The following FGGY variants were observed in gnomAD, a reference collection of about 807,000 sequenced individuals.
FGGY encodes FGGY carbohydrate kinase domain containing.
FGGY carries 72 observed loss-of-function variants against 71.3 expected under a neutral mutation model. The observed-to-expected ratio is 1.01, with a 90% CI of 0.84 to 1.23. FGGY has a LOEUF of 1.23. Ranked by LOEUF, FGGY falls within the 50% of genes most tolerant of loss-of-function variation. The pLI, the probability that FGGY is intolerant of heterozygous loss-of-function variation, is 0.00. For missense variants in FGGY, 668 were observed against 682.3 expected (o/e 0.98, Z 0.23); for synonymous variants, 251 against 250.3 (o/e 1.00, Z -0.02).
rs151059985 is a variant in FGGY at position 59,373,057 on chromosome 1, C to G, written c.466-5692C>G. ...TCAACATAGTGTTGGAAGTTCTGGC[C>G]AGGGCAATTAGGCAGGAGAAGGAAA... On this transcript the variant is annotated intron_variant, in intron 4 of 15. Coordinates refer to ENST00000303721, the MANE Select transcript of FGGY (RefSeq NM_018291.5). Among the ~76,000 whole-genome samples, 826 of 152,120 alleles carry G rather than the reference C, an allele frequency of 5.4e-3. 6 individuals carry two copies. The highest frequency in any genetic ancestry group is 0.019 in the African/African-American group (774 of 41,432).
chr1:59,532,187 T>C (rs959272515), intron 7 of FGGY, among the ~76,000 whole-genome samples: 3 of 152,292 alleles, frequency 2.0e-5, no homozygotes, highest in Non-Finnish European at 2.9e-5. Flanking sequence ...GATTCTAGAA[T>C]TGAAACTAAT....
At chr1:59,437,960 A>G (rs2068846652) in intron 5 of FGGY, among the ~76,000 whole-genome samples, 2 of 152,216 alleles carry the variant, frequency 1.3e-5, no homozygotes, top group South Asian at 2.1e-4. Context: ...AACTTGATGC[A>G]CAGATTTCAG....
intron 8 of FGGY, among the ~76,000 whole-genome samples, chr1:59,592,650 T>C (rs1403426507): frequency 5.9e-5 from 9 of 151,770 alleles, no homozygotes; most frequent in Admixed American, 2.0e-4. Context: ...ATGGATGAAA[T>C]TGGAAATCAT....
intron 5 of FGGY, among the ~76,000 whole-genome samples, chr1:59,415,908 G>T (rs2064327567): frequency 6.6e-6 from 1 of 152,180 alleles, no homozygotes; most frequent in Non-Finnish European, 1.5e-5. Flanking sequence ...AAAGAATTCT[G>T]ATTAGTTTCA....
chr1:59,569,496 A>G (rs1351964162), intron 8 of FGGY, among the ~76,000 whole-genome samples: 1 of 152,160 alleles, frequency 6.6e-6, no homozygotes, highest in Non-Finnish European at 1.5e-5. Context: ...CCTCCTCAGA[A>G]CTGGGTGCAG....
At chr1:59,599,204 A>G (rs2096552679) in intron 8 of FGGY, among the ~76,000 whole-genome samples, 1 of 152,040 alleles carries the variant, frequency 6.6e-6, no homozygotes, top group South Asian at 2.1e-4. Context: ...CCTGGGTTCA[A>G]GTGATTCTCC....
intron 14 of FGGY, among the ~76,000 whole-genome samples, chr1:59,715,810 A>G (rs2097841893): frequency 6.6e-6 from 1 of 152,196 alleles, no homozygotes; most frequent in Non-Finnish European, 1.5e-5. Flanking sequence ...AAGGAAATAG[A>G]TTCTATATTG....
chr1:59,757,902 A>C, intron 14 of FGGY, 29 bp from the exon 15 acceptor site: 1 of 1,580,890 alleles, frequency 6.3e-7, no homozygotes, highest in Non-Finnish European at 8.7e-7. Context: ...TTTCCAACTC[A>C]GCTGTCTATG....
chr1:59,613,675 C>CA (rs1291745348), intron 9 of FGGY, among the ~76,000 whole-genome samples: 7 of 151,970 alleles, frequency 4.6e-5, no homozygotes, highest in Non-Finnish European at 1.0e-4. Context: ...AATAGAGACA[C>CA]AAAAAACCCT....
chr1:59,536,121 A>G (rs571305241), intron 7 of FGGY, among the ~76,000 whole-genome samples: 1 of 151,954 alleles, frequency 6.6e-6, no homozygotes, highest in African/African-American at 2.4e-5. Context: ...AATCAAATAG[A>G]TGCAATAAAA....
At chr1:59,450,856 ATT>A (rs1313755796) in intron 5 of FGGY, among the ~76,000 whole-genome samples, 1 of 151,970 alleles carries the variant, frequency 6.6e-6, no homozygotes, top group Non-Finnish European at 1.5e-5. Flanking sequence ...TCATTTAAAA[ATT>A]TTTTTGTTTG....
intron 9 of FGGY, among the ~76,000 whole-genome samples, chr1:59,611,390 G>T (rs1321135188): frequency 6.6e-6 from 1 of 152,146 alleles, no homozygotes; most frequent in African/African-American, 2.4e-5. Flanking sequence ...GATACTCAGG[G>T]TCTAGAGTGA....
At chr1:59,433,277 C>A (rs191807582) in intron 5 of FGGY, among the ~76,000 whole-genome samples, 31 of 152,276 alleles carry the variant, frequency 2.0e-4, no homozygotes, top group Non-Finnish European at 4.0e-4. Context: ...CCATGCATTG[C>A]CAGCTATCTG....
intron 14 of FGGY, among the ~76,000 whole-genome samples, chr1:59,692,675 A>G (rs1409746856): frequency 6.6e-6 from 1 of 151,010 alleles, no homozygotes; most frequent in Admixed American, 6.6e-5. Context: ...TTTGCTGTAG[A>G]GTGGGAGGGA....
chr1:59,645,816 A>C (rs2097089061), intron 11 of FGGY, among the ~76,000 whole-genome samples: 1 of 152,222 alleles, frequency 6.6e-6, no homozygotes, highest in Admixed American at 6.5e-5. Flanking sequence ...CATTGGTTGA[A>C]ACATGTTTTC....
chr1:59,359,879 C>T (rs1039373948), intron 4 of FGGY, among the ~76,000 whole-genome samples: 1 of 152,092 alleles, frequency 6.6e-6, no homozygotes, highest in African/African-American at 2.4e-5. Flanking sequence ...AAGGAATATT[C>T]AGAGGAAATT....
At chr1:59,472,562 A>G (rs1378059303) in intron 6 of FGGY, among the ~76,000 whole-genome samples, 3 of 152,248 alleles carry the variant, frequency 2.0e-5, no homozygotes, top group Admixed American at 6.5e-5. Context: ...TCTGGTGGGG[A>G]CATGGAGAAC....
chr1:59,602,406 T>C (rs2096586927), intron 8 of FGGY, among the ~76,000 whole-genome samples: 2 of 152,216 alleles, frequency 1.3e-5, no homozygotes, highest in Non-Finnish European at 2.9e-5. Flanking sequence ...GCAATGACTA[T>C]TTTATTATTT....
intron 14 of FGGY, among the ~76,000 whole-genome samples, chr1:59,723,764 T>C (rs1206829561): frequency 1.3e-5 from 2 of 152,222 alleles, no homozygotes; most frequent in African/African-American, 4.8e-5. Flanking sequence ...TTTACGTACA[T>C]TAAGGTTTAC....
Sources: gnomAD v4.1 joint callset for allele counts (sites outside exome capture counted in the v4.1 genomes callset) on GRCh38, gnomAD v4.1.1 for gene constraint, MANE v1.5 for transcripts, NCBI Gene and HGNC (gene_info 2026-07-23, HGNC 2026-07-21) for gene names.